The following ANO4 variants were observed in gnomAD, a reference collection of about 807,000 sequenced individuals.
The protein encoded by ANO4 is anoctamin-4.
In ANO4, 69 loss-of-function variants were observed where a neutral mutation model predicts 141.9. The observed-to-expected ratio is 0.49, with a 90% CI of 0.40 to 0.59. The LOEUF is 0.59. Ranked by LOEUF, ANO4 falls within the 20% of genes least tolerant of loss-of-function variation. The pLI is 0.00. For missense variants in ANO4, 894 were observed against 1,162.2 expected, an observed-to-expected ratio of 0.77 and a Z score of 3.36; for synonymous variants, 350 against 394.3, an observed-to-expected ratio of 0.89 and a Z score of 1.33.
At chr12:100,757,134 G>T (rs1565858408) in intron 3 of ANO4, among the ~76,000 whole-genome samples, 1 of 152,116 alleles carries the variant, frequency 6.6e-6, no homozygotes, top group Non-Finnish European at 1.5e-5. Flanking sequence ...ATTGGTGAAT[G>T]TACCCAGTTG....
chr12:100,908,165 G>A (rs1373255923), intron 2 of ANO4, among the ~76,000 whole-genome samples: 1 of 152,042 alleles, frequency 6.6e-6, no homozygotes, highest in East Asian at 1.9e-4. Context: ...TTCAAGACCA[G>A]GTGGAGAAAC....
At chr12:100,737,654 C>T (rs557796160) in intron 2 of ANO4, among the ~76,000 whole-genome samples, 13 of 152,332 alleles carry the variant, frequency 8.5e-5, no homozygotes, top group African/African-American at 2.9e-4. Flanking sequence ...TGGGCAATAT[C>T]CACTGCTCAC....
In ANO4 at chr12:100,756,795, T is replaced by C. The variant is rs2032633251; in HGVS notation, c.358+16690T>C. On this transcript the variant is annotated intron_variant, in intron 3 of 29. Transcript: ENST00000644049. The stretch of plus-strand genomic sequence containing the variant: ...TTTCCTTGCCTAATCCTTCTTCATG[T>C]CACTTAAATGTCAGTGCGTCTCAAA... 2.0e-5 allele frequency among the ~76,000 whole-genome samples: 3 copies of C among 152,162 alleles called. No homozygotes were observed. The South Asian group carries it at 6.2e-4, about 31-fold the overall frequency.
chr12:101,036,942 C>T (rs1011166489), intron 9 of ANO4, among the ~76,000 whole-genome samples, 153 bp from the exon 10 acceptor site: 18 of 152,146 alleles, frequency 1.2e-4, no homozygotes, highest in African/African-American at 3.6e-4. Context: ...CCCAATTTCA[C>T]GGCAGCAGAG....
chr12:100,797,815 T>C (rs994280491), intron 1 of ANO4, among the ~76,000 whole-genome samples: 6 of 152,218 alleles, frequency 3.9e-5, no homozygotes. Flanking sequence ...TGCCATTTTA[T>C]ATATGTGAAC....
At chr12:100,848,647 T>C (rs569201954) in intron 1 of ANO4, among the ~76,000 whole-genome samples, 84 of 152,308 alleles carry the variant, frequency 5.5e-4, no homozygotes, top group African/African-American at 1.9e-3. Flanking sequence ...CTTCTCCTGG[T>C]CCATTGCTCC....
chr12:100,983,096 G>T (rs1333538173), intron 7 of ANO4, among the ~76,000 whole-genome samples: 5 of 152,208 alleles, frequency 3.3e-5, no homozygotes, highest in African/African-American at 1.2e-4. Context: ...TCTGAGTGTG[G>T]CAAAGTTTGG....
At chr12:101,113,990 A>C (rs2050757918) in intron 24 of ANO4, among the ~76,000 whole-genome samples, 1 of 152,094 alleles carries the variant, frequency 6.6e-6, no homozygotes, top group African/African-American at 2.4e-5. Flanking sequence ...TTCACAGGAA[A>C]CCCTTCGTCT....
chr12:101,022,682 A>G (rs1026007181), intron 9 of ANO4, among the ~76,000 whole-genome samples: 5 of 152,228 alleles, frequency 3.3e-5, no homozygotes, highest in Non-Finnish European at 5.9e-5. Flanking sequence ...ATAAAATGCA[A>G]ATAACTCCAA....
At chr12:101,069,556 A>G (rs1593184007) in intron 14 of ANO4, among the ~76,000 whole-genome samples, 1 of 152,168 alleles carries the variant, frequency 6.6e-6, no homozygotes, top group Admixed American at 6.6e-5. Flanking sequence ...AGTAGAAGCA[A>G]TCATCTGGCC....
intron 1 of ANO4, among the ~76,000 whole-genome samples, chr12:100,834,491 A>G (rs762764982): frequency 1.3e-5 from 2 of 152,118 alleles, no homozygotes; most frequent in African/African-American, 2.4e-5. Flanking sequence ...GATTGTAATT[A>G]TGCTAGGTTT....
At chr12:101,004,665 C>T (rs1268151977) in intron 8 of ANO4, among the ~76,000 whole-genome samples, 1 of 152,130 alleles carries the variant, frequency 6.6e-6, no homozygotes, top group Non-Finnish European at 1.5e-5. Context: ...ACAGCACACT[C>T]CCTAATACCT....
chr12:101,061,725 G>C (rs1315031667), intron 14 of ANO4, among the ~76,000 whole-genome samples: 3 of 151,666 alleles, frequency 2.0e-5, no homozygotes, highest in Non-Finnish European at 4.4e-5. Context: ...GTGTTTTTCA[G>C]CTCCATCAGG....
chr12:100,727,908 A>C (rs1345806464), intron 1 of ANO4, among the ~76,000 whole-genome samples: 4 of 152,160 alleles, frequency 2.6e-5, no homozygotes, highest in Non-Finnish European at 4.4e-5. Context: ...CTTTTACTTC[A>C]ATCTTACTTA....
At chr12:101,024,066 T>G (rs1209010183) in intron 9 of ANO4, among the ~76,000 whole-genome samples, 1 of 152,224 alleles carries the variant, frequency 6.6e-6, no homozygotes, top group East Asian at 1.9e-4. Flanking sequence ...AACTTCACTC[T>G]GAATTTATTT....
chr12:100,953,515 C>G (rs1283558345), intron 5 of ANO4, among the ~76,000 whole-genome samples: 1 of 152,200 alleles, frequency 6.6e-6, no homozygotes, highest in Non-Finnish European at 1.5e-5. Context: ...ATTTTAAGAG[C>G]AGTCTGTGGT....
In ANO4 at chr12:100,988,872, G is replaced by GGAAAAAA. The variant is rs2044883137; in HGVS notation, c.734+1202_734+1203insGAAAAAA. On this transcript the variant is annotated intron_variant, in intron 8 of 27. Transcript: ENST00000392977. ...GGTGACAGAGTGAGACTCTGTCTCA[G>GGAAAAAA]AAAAAAAAAAAAAAAAGAAAGAAAA... Among the ~76,000 whole-genome samples, 3 of 65,032 alleles carry GGAAAAAA rather than the reference G, an allele frequency of 4.6e-5. No individual in the cohort carries two copies. The East Asian group carries it at 1.2e-3, about 25-fold the overall frequency. The allele number at this position is 65,032 out of a possible 152,430, so 42.7% of individuals were successfully genotyped here. A position where few individuals can be genotyped will look rare whatever the true frequency, so the allele number is the denominator to read the frequency against.
At chr12:101,004,424 C>T (rs1374885098) in intron 8 of ANO4, among the ~76,000 whole-genome samples, 1 of 152,044 alleles carries the variant, frequency 6.6e-6, no homozygotes, top group African/African-American at 2.4e-5. Context: ...AAACTGGAAC[C>T]AGCTGCCATT....
At chr12:100,735,632 C>T (rs1405640918) in intron 2 of ANO4, among the ~76,000 whole-genome samples, 1 of 151,806 alleles carries the variant, frequency 6.6e-6, no homozygotes, top group Non-Finnish European at 1.5e-5. Flanking sequence ...AGAGGCGGGT[C>T]TAGGGGGAGA....
Sources: allele counts gnomAD v4.1 joint callset (sites outside exome capture counted in the v4.1 genomes callset), GRCh38; gene constraint gnomAD v4.1.1; transcripts MANE v1.5; gene names NCBI Gene and HGNC (gene_info 2026-07-23, HGNC 2026-07-21).